Variants in AFDN observed in about 807,000 individuals in gnomAD.
AFDN encodes afadin.
A neutral mutation model predicts 216.6 loss-of-function variants in AFDN; 68 were observed. The observed-to-expected ratio is 0.31, with a 90% confidence interval of 0.26 to 0.38. AFDN has a LOEUF of 0.38. AFDN is among the 10% of genes least tolerant of loss of function. The pLI is 1.00. For synonymous variants in AFDN, 868 were observed against 853.7 expected, an observed-to-expected ratio of 1.02 and a Z score of -0.29; for missense variants, 2,136 against 2,342.0, an observed-to-expected ratio of 0.91 and a Z score of 1.82.
intron 1 of AFDN, among the ~76,000 whole-genome samples, chr6:167,850,280 G>A (rs1465018980): frequency 1.3e-5 from 2 of 152,104 alleles, no homozygotes; most frequent in African/African-American, 4.8e-5. Context: ...TGTGTTTTGT[G>A]TGAAATGTGA....
At chr6:167,835,820 G>C (rs1484413374) in intron 1 of AFDN, among the ~76,000 whole-genome samples, 2 of 152,152 alleles carry the variant, frequency 1.3e-5, no homozygotes, top group East Asian at 3.9e-4. Context: ...AGAGAACCTT[G>C]GGGGTTCATG....
intron 26 of AFDN, among the ~76,000 whole-genome samples, chr6:167,944,634 T>C (rs958158628): frequency 1.3e-5 from 2 of 152,174 alleles, no homozygotes; most frequent in Non-Finnish European, 2.9e-5. Context: ...ATCTCATCAT[T>C]GTATATACGT....
At chr6:167,827,426 C>G (rs1414435606) in intron 1 of AFDN, among the ~76,000 whole-genome samples, 189 bp downstream of exon 1, 1 of 145,468 alleles carries the variant, frequency 6.9e-6, no homozygotes, top group Non-Finnish European at 1.5e-5. Flanking sequence ...CCCCGTCCCC[C>G]TGCCGCGGTG....
chr6:167,881,938 C>G (rs940338484), intron 6 of AFDN, among the ~76,000 whole-genome samples: 2 of 152,178 alleles, frequency 1.3e-5, no homozygotes, highest in African/African-American at 4.8e-5. Context: ...AACAGTAACC[C>G]TTGCCCACAT....
chr6:167,948,450 A>T lies in AFDN; in HGVS notation c.3803A>T (p.Asp1268Val). Residue 1268 changes from aspartate (D) to valine (V), a missense_variant, in exon 29 of 34, where the codon GAT (aspartate) becomes GTT (valine). Transcript: ENST00000683244. ...GAGGAAAAGCCACATATGCACACAG[A>T]TAGTAATCATTCCAGTATTGCAATT... Reference protein sequence around the residue: ...NYEEKPHMHTDSNHSSIAIQR... With the variant: ...NYEEKPHMHTVSNHSSIAIQR... 3 of 1,614,196 alleles carry T rather than the reference A, an allele frequency of 1.9e-6. No individual in the cohort carries two copies. The highest frequency in any genetic ancestry group is 2.5e-6 in the Non-Finnish European group (3 of 1,180,034).
At chr6:167,871,249 T>A (rs1455927426) in intron 3 of AFDN, among the ~76,000 whole-genome samples, 2 of 152,152 alleles carry the variant, frequency 1.3e-5, no homozygotes, top group Non-Finnish European at 2.9e-5. Context: ...CCTTATTTGT[T>A]ACTGTGCTTA....
At chr6:167,949,078 T>C (rs753528212) in intron 29 of AFDN, among the ~76,000 whole-genome samples, 13 of 152,238 alleles carry the variant, frequency 8.5e-5, no homozygotes, top group Non-Finnish European at 1.8e-4. Flanking sequence ...ACATGACAGC[T>C]AAGGAATTTG....
intron 23 of AFDN, among the ~76,000 whole-genome samples, chr6:167,933,962 C>T (rs1793650858): frequency 6.6e-6 from 1 of 152,196 alleles, no homozygotes; most frequent in South Asian, 2.1e-4. Flanking sequence ...AGACCCATCC[C>T]CTGCACAGGC....
intron 1 of AFDN, among the ~76,000 whole-genome samples, chr6:167,857,560 A>G (rs1181063146): frequency 2.6e-5 from 4 of 152,070 alleles, no homozygotes; most frequent in Admixed American, 1.3e-4. Flanking sequence ...GTTGAAGTCT[A>G]TGAGTATCAT....
chr6:167,857,323 A>C (rs1783020734), intron 1 of AFDN, among the ~76,000 whole-genome samples: 1 of 152,120 alleles, frequency 6.6e-6, no homozygotes, highest in Admixed American at 6.5e-5. Context: ...GACTATATCA[A>C]GGACTTCAAT....
At chr6:167,846,976 AGTG>A (rs1781768384) in intron 1 of AFDN, among the ~76,000 whole-genome samples, 1 of 76,226 alleles carries the variant, frequency 1.3e-5, no homozygotes, top group Non-Finnish European at 3.3e-5. Flanking sequence ...ATAAAAAAAT[AGTG>A]AGGTATGTCT....
At chr6:167,837,666 G>A (rs1359101539) in intron 1 of AFDN, among the ~76,000 whole-genome samples, 1 of 152,094 alleles carries the variant, frequency 6.6e-6, no homozygotes, top group Non-Finnish European at 1.5e-5. Flanking sequence ...TCCTTTTGCT[G>A]TTCCCATTTC....
intron 3 of AFDN, among the ~76,000 whole-genome samples, chr6:167,871,111 C>T (rs1327101655): frequency 2.7e-5 from 4 of 149,372 alleles, no homozygotes; most frequent in African/African-American, 4.9e-5. Flanking sequence ...TTTCATTCCC[C>T]CCCGCCCCGC....
Position 167,952,003 on chromosome 6 carries a change from T to A in AFDN, c.4649T>A (p.Leu1550His), listed in dbSNP as rs1562331364. The A allele has an allele frequency of 3.1e-6, 5 of 1,614,008 alleles. No homozygotes were observed. The highest frequency in any genetic ancestry group is 4.2e-6 in the Non-Finnish European group (5 of 1,180,006). ...VDMLSKEIQE[L>H]QSKPDRSAEE... ...ATGCTGAGCAAGGAGATCCAGGAGC[T>A]CCAGAGCAAACCGGACCGCAGCGCC... Residue 1550 changes from leucine (L) to histidine (H), a missense_variant, in exon 30 of 34, where the codon CTC (leucine) becomes CAC (histidine). Leu to His is a moderately conservative substitution (Grantham distance 99). Coordinates refer to ENST00000683244, the MANE Select transcript of AFDN (RefSeq NM_001386888.1).
At chr6:167,887,047 T>G (rs940091165) in intron 6 of AFDN, among the ~76,000 whole-genome samples, 21 of 151,230 alleles carry the variant, frequency 1.4e-4, no homozygotes, top group Non-Finnish European at 2.8e-4. Context: ...TGCCTGGTGT[T>G]GCATCTGATA....
At position 167,929,518 on chromosome 6, in the gene AFDN, C is replaced by G. The variant is rs575081080; in HGVS notation, c.3099+4427C>G. Among the ~76,000 whole-genome samples, 211 of 152,322 alleles carry G rather than the reference C, an allele frequency of 1.4e-3. 1 individual carries two copies. The highest frequency in any genetic ancestry group is 3.4e-3 in the Middle Eastern group (1 of 294). On this transcript the variant is annotated intron_variant, in intron 23 of 33. Transcript: ENST00000683244. The stretch of plus-strand genomic sequence containing the variant: ...TTAAACATGCTTCCCTCCCCCTCCT[C>G]AGGTCACTCACACAGCAAGTCTTCC...
chr6:167,889,276 A>G lies in AFDN; in HGVS notation c.959A>G (p.Asp320Gly). 2.5e-6 allele frequency: 4 copies of G among 1,614,000 alleles called. No individual in the cohort carries two copies. The highest frequency in any genetic ancestry group is 3.4e-6 in the Non-Finnish European group (4 of 1,179,864). Residue 320 changes from aspartate to glycine, a missense_variant, in exon 7 of 34, where the codon GAT becomes GGT. By Grantham distance (94) the Asp-to-Gly change is moderately conservative (BLOSUM62 -1). Coordinates refer to ENST00000683244, the MANE Select transcript of AFDN (RefSeq NM_001386888.1). Reference protein sequence around the residue: ...DEKGAKEIILDDDECPLQIFR... With the variant: ...DEKGAKEIILGDDECPLQIFR... ...AAGGGTGCTAAAGAAATTATTCTTGATGATGATGAGTGTCCTTTACAAATC... is the reference window on the plus strand; with the variant it reads ...AAGGGTGCTAAAGAAATTATTCTTGGTGATGATGAGTGTCCTTTACAAATC...
intron 2 of AFDN, among the ~76,000 whole-genome samples, chr6:167,867,893 G>A (rs147491906): frequency 0.01 from 1,552 of 152,262 alleles, 28 homozygotes; most frequent in African/African-American, 0.036. Flanking sequence ...TATGGGGAGG[G>A]TGGTGGTAAA....
rs760760689 is a variant in AFDN at position 167,880,494 on chromosome 6, C to T, written c.874C>T (p.Pro292Ser). The T allele has an allele frequency of 6.2e-7, 1 of 1,613,612 alleles. No homozygotes were observed. The highest frequency in any genetic ancestry group is 1.3e-5 in the African/African-American group (1 of 74,988). Reference protein sequence around the residue: ...LEKYGLEKENPKDYCIARVML... With the variant: ...LEKYGLEKENSKDYCIARVML... ...GAAGTATGGTCTGGAAAAAGAAAAC[C>T]CTAAGGATTACTGCATCGCCCGGGT... The change falls in exon 6 of 34, where the codon CCT (proline) becomes TCT (serine). Residue 292 changes from proline (P) to serine (S), a missense_variant. Pro to Ser is a moderately conservative substitution (Grantham distance 74, BLOSUM62 -1). Transcript: ENST00000683244.
Sources: gnomAD v4.1 joint callset for allele counts (sites outside exome capture counted in the v4.1 genomes callset) on GRCh38, gnomAD v4.1.1 for gene constraint, MANE v1.5 for transcripts, NCBI Gene and HGNC (gene_info 2026-07-23, HGNC 2026-07-21) for gene names.